The following MOK variants were observed in gnomAD, a reference collection of about 807,000 sequenced individuals.
MOK encodes the protein MAPK/MAK/MRK overlapping kinase.
A neutral mutation model predicts 54.2 loss-of-function variants in MOK; 59 were observed. That is an observed-to-expected ratio of 1.09 (90% confidence interval 0.88 to 1.35). The LOEUF (loss-of-function observed/expected upper bound fraction) is 1.35, where lower values mean the gene tolerates loss of function less well. Among genes scored for constraint, MOK ranks in the 40% most tolerant of loss-of-function variants. The pLI, the probability that MOK is intolerant of heterozygous loss-of-function variation, is 0.00. For synonymous variants in MOK, 210 were observed against 202.7 expected (o/e 1.04, Z -0.31); for missense variants, 517 against 526.2 (o/e 0.98, Z 0.17).
At chr14:102,243,888 T>C (rs537312259) in intron 7 of MOK, among the ~76,000 whole-genome samples, 11 of 152,326 alleles carry the variant, frequency 7.2e-5, no homozygotes, top group Non-Finnish European at 1.5e-4. Context: ...TCCACATCTA[T>C]CATTGAGGCT....
At chr14:102,303,261 G>GA (rs2072443138) in intron 1 of MOK, among the ~76,000 whole-genome samples, 1 of 152,126 alleles carries the variant, frequency 6.6e-6, no homozygotes, top group Non-Finnish European at 1.5e-5. Context: ...AGGCACTCTG[G>GA]AAGGGCCACA....
At chr14:102,267,083 G>A (rs1033539556) in intron 2 of MOK, among the ~76,000 whole-genome samples, 1 of 152,202 alleles carries the variant, frequency 6.6e-6, no homozygotes, top group African/African-American at 2.4e-5. Context: ...GGCCCATGGG[G>A]TCACACCTAA....
chr14:102,254,957 C>A (rs1304123643), intron 4 of MOK, among the ~76,000 whole-genome samples: 2 of 152,174 alleles, frequency 1.3e-5, no homozygotes, highest in African/African-American at 4.8e-5. Flanking sequence ...TCATTAGAGT[C>A]ATCTGAACTT....
At chr14:102,297,671 C>T (rs1035362652) in intron 1 of MOK, among the ~76,000 whole-genome samples, 8 of 152,150 alleles carry the variant, frequency 5.3e-5, no homozygotes, top group Non-Finnish European at 1.2e-4. Context: ...GAAGAGGCAC[C>T]GCGAGGTGTG....
chr14:102,218,226 A>C, the MOK span, among the ~76,000 whole-genome samples: 1 of 152,342 alleles, frequency 6.6e-6, no homozygotes, highest in South Asian at 2.1e-4. Context: ...GAATGACCAG[A>C]GAGGGTATTG....
intron 4 of MOK, among the ~76,000 whole-genome samples, chr14:102,261,466 A>C (rs1366785965): frequency 7.7e-6 from 1 of 129,480 alleles, no homozygotes; most frequent in African/African-American, 2.8e-5. Context: ...TATTCTAAAC[A>C]AAGCTTTCTC....
At chr14:102,243,372 G>T (rs957516521) in intron 7 of MOK, among the ~76,000 whole-genome samples, 1 of 152,074 alleles carries the variant, frequency 6.6e-6, no homozygotes, top group Admixed American at 6.6e-5. Context: ...AAAGTGCAGG[G>T]CTGTGCAGTT....
chr14:102,282,241 C>T (rs1470329302), intron 2 of MOK, among the ~76,000 whole-genome samples: 1 of 151,982 alleles, frequency 6.6e-6, no homozygotes, highest in Non-Finnish European at 1.5e-5. Flanking sequence ...ATCCCATCTC[C>T]ATTTTAAAAG....
intron 1 of MOK, among the ~76,000 whole-genome samples, chr14:102,291,451 T>C (rs1392920734): frequency 6.6e-6 from 1 of 152,170 alleles, no homozygotes; most frequent in Non-Finnish European, 1.5e-5. Context: ...AGCCTAAACA[T>C]CTTCTGCCCT....
At chr14:102,264,178 T>A (rs1350222461) in intron 3 of MOK, 1 of 138,476 alleles carries the variant, frequency 7.2e-6, no homozygotes, top group African/African-American at 2.8e-5. Context: ...ACCACTGTAC[T>A]CCAGCCTGGG....
At chr14:102,227,202 C>T (rs2064285295), downstream of MOK, among the ~76,000 whole-genome samples, 1 of 152,190 alleles carries the variant, frequency 6.6e-6, no homozygotes, top group Admixed American at 6.5e-5. Context: ...AAGAGAGTAA[C>T]ACGTTTCCCA....
At chr14:102,296,870 C>A (rs979565801) in intron 1 of MOK, among the ~76,000 whole-genome samples, 2 of 150,808 alleles carry the variant, frequency 1.3e-5, no homozygotes, top group African/African-American at 2.4e-5. Flanking sequence ...CAAGCCTGGC[C>A]AATATGGTGA....
intron 2 of MOK, among the ~76,000 whole-genome samples, chr14:102,273,038 C>T (rs182350009): frequency 1.3e-5 from 2 of 152,086 alleles, no homozygotes; most frequent in East Asian, 1.9e-4. Flanking sequence ...GGCGTGGTGG[C>T]GGGTGCCTGT....
chr14:102,232,804 G>T lies in MOK; in HGVS notation c.693-96C>A. ...CTAAGGGCCCTGTGTGGTGGGGAAT[G>T]GTTTATGACTGCAGAGTCTACACCT... On this transcript the variant is annotated intron_variant, in intron 8 of 11. Coordinates refer to ENST00000361847, the MANE Select transcript of MOK (RefSeq NM_014226.3). This position sits in a 1 kb window ranked among gnomAD's most constrained non-coding sequence, Gnocchi z 5.1. The T allele has an allele frequency of 2.6e-6, 3 of 1,136,178 alleles. No individual in the cohort carries two copies. Among genetic ancestry groups the T allele is most frequent in the South Asian group, 1.5e-5 (1 of 67,774 alleles). 70.4% of individuals were successfully genotyped at this position (1,136,178 alleles called of 1,614,324 possible).
chr14:102,231,654 GCAT>G lies in MOK; in HGVS notation c.981+50_981+52del. On this transcript the variant is annotated intron_variant, in intron 10 of 11. Coordinates refer to ENST00000361847, the MANE Select transcript of MOK (RefSeq NM_014226.3). The surrounding 1 kb of genome is among the most constrained non-coding windows in gnomAD (Gnocchi z 4.4). ...TGAGAGAGACACAGGCCACCCGAGGGCATCCAGTCCCGGCTGAGCTAGGCAGTC... is the reference window on the plus strand; with the variant it reads ...TGAGAGAGACACAGGCCACCCGAGGGCCAGTCCCGGCTGAGCTAGGCAGTC... 6.5e-7 allele frequency: 1 copy of G among 1,526,762 alleles called. No homozygotes were observed. The highest frequency in any genetic ancestry group is 9.0e-7 in the Non-Finnish European group (1 of 1,105,712). The allele number at this position is 1,526,762 out of a possible 1,614,324, so 94.6% of individuals were successfully genotyped here.
Position 102,250,805 on chromosome 14 carries a change from G to A in MOK, c.590+7C>T, listed in dbSNP as rs752215020. ...AGGAACCAGGCAGGAGCCTGGCCTG[G>A]TGCTACCTGGCGATCTCGTAGAACA... is the stretch of plus-strand genomic sequence containing the variant. On this transcript the variant is annotated splice_region_variant and intron_variant, in intron 7 of 11. Transcript: ENST00000361847. 8 of 1,612,398 alleles carry A rather than the reference G, an allele frequency of 5.0e-6. No individual in the cohort carries two copies. Among genetic ancestry groups the A allele is most frequent in the African/African-American group, 2.7e-5 (2 of 74,886 alleles).
intron 2 of MOK, among the ~76,000 whole-genome samples, chr14:102,274,618 T>A (rs2068680381): frequency 2.7e-5 from 4 of 150,916 alleles, no homozygotes; most frequent in Non-Finnish European, 5.9e-5. Context: ...AAAAAAAAAA[T>A]TGAGCTGATT....
intron 1 of MOK, among the ~76,000 whole-genome samples, chr14:102,302,087 CTTT>C (rs1165298757): frequency 5.6e-5 from 7 of 125,282 alleles, no homozygotes; most frequent in Admixed American, 8.2e-5. Context: ...CACACATATA[CTTT>C]TTTTTTTTTT....
intron 4 of MOK, among the ~76,000 whole-genome samples, chr14:102,253,332 G>C (rs2066682140): frequency 6.6e-6 from 1 of 152,222 alleles, no homozygotes; most frequent in African/African-American, 2.4e-5. Context: ...GGTTTCAGTG[G>C]GAACAGCACT....
Sources: gnomAD v4.1 joint callset for allele counts (sites outside exome capture counted in the v4.1 genomes callset) on GRCh38, gnomAD v4.1.1 for gene constraint, Gnocchi (gnomAD v3.1) non-coding constraint, MANE v1.5 for transcripts, NCBI Gene and HGNC (gene_info 2026-07-23, HGNC 2026-07-21) for gene names.